SPOCK3: variants seen among roughly 807,000 people sequenced by gnomAD.
SPOCK3 encodes SPARC (osteonectin), cwcv and kazal like domains proteoglycan 3.
Under a neutral mutation model 56.6 loss-of-function variants are expected in SPOCK3, and 30 were observed. The ratio of observed to expected loss-of-function variants is 0.53; its 90% CI spans 0.40 to 0.72. The LOEUF (loss-of-function observed/expected upper bound fraction) is 0.72, where lower values mean the gene tolerates loss of function less well. SPOCK3 is among the 30% of genes least tolerant of loss of function. The pLI is 0.00. For synonymous variants in SPOCK3, 196 were observed against 183.3 expected, an observed-to-expected ratio of 1.07 and a Z score of -0.56; for missense variants, 527 against 530.0, an observed-to-expected ratio of 0.99 and a Z score of 0.06.
rs995802910 is a variant in SPOCK3 at position 167,145,324 on chromosome 4, G to T, written c.190-82787C>A. Reference sequence around the variant, plus strand: ...ACATATGAACTTGAAGAAACCTATTGCATAATCAAGTGGAAGTACCATTAA... The same window carrying T: ...ACATATGAACTTGAAGAAACCTATTTCATAATCAAGTGGAAGTACCATTAA... On this transcript the variant is annotated intron_variant, in intron 2 of 10. Transcript: ENST00000357545. 1.1e-4 allele frequency among the ~76,000 whole-genome samples: 16 copies of T among 152,176 alleles called. 1 individual carries two copies. The highest frequency in any genetic ancestry group is 3.9e-4 in the African/African-American group (16 of 41,552).
At chr4:166,851,343 G>A (rs1730054152) in intron 6 of SPOCK3, among the ~76,000 whole-genome samples, 1 of 152,170 alleles carries the variant, frequency 6.6e-6, no homozygotes, top group Admixed American at 6.5e-5. Context: ...AAGACCAAAA[G>A]TAGATAAAAC....
chr4:166,955,609 A>AGATT (rs973210810), intron 4 of SPOCK3, among the ~76,000 whole-genome samples: 26 of 145,820 alleles, frequency 1.8e-4, no homozygotes, highest in African/African-American at 6.5e-4. Context: ...TAATCAAATT[A>AGATT]GATTAAATTT....
intron 8 of SPOCK3, among the ~76,000 whole-genome samples, chr4:166,753,553 A>G (rs1383322832): frequency 1.3e-5 from 2 of 152,020 alleles, no homozygotes; most frequent in Admixed American, 1.3e-4. Flanking sequence ...TAATTACTGA[A>G]CTATTACTAA....
intron 6 of SPOCK3, among the ~76,000 whole-genome samples, chr4:166,855,334 T>C (rs944002838): frequency 2.6e-5 from 4 of 151,540 alleles, no homozygotes; most frequent in African/African-American, 9.7e-5. Context: ...ACCTGTGATA[T>C]ACAAACCAAA....
chr4:167,037,824 T>G (rs966895664), intron 3 of SPOCK3, among the ~76,000 whole-genome samples: 4 of 152,248 alleles, frequency 2.6e-5, no homozygotes, highest in Non-Finnish European at 5.9e-5. Context: ...TATCAAGTAT[T>G]TTCCTGAACT....
intron 5 of SPOCK3, among the ~76,000 whole-genome samples, chr4:166,905,920 AT>A (rs1229243996): frequency 6.6e-6 from 1 of 152,026 alleles, no homozygotes; most frequent in African/African-American, 2.4e-5. Flanking sequence ...GCATTATGAA[AT>A]TCTATACTGA....
At chr4:166,778,561 A>G (rs1288644428) in intron 7 of SPOCK3, among the ~76,000 whole-genome samples, 1 of 152,254 alleles carries the variant, frequency 6.6e-6, no homozygotes, top group East Asian at 1.9e-4. Flanking sequence ...TCCACACAGG[A>G]TTCAATACAC....
At chr4:166,861,435 A>G (rs571007763) in intron 6 of SPOCK3, among the ~76,000 whole-genome samples, 4 of 152,240 alleles carry the variant, frequency 2.6e-5, no homozygotes, top group East Asian at 3.9e-4. Context: ...AGCAAATCCC[A>G]ATTTATTGAA....
intron 3 of SPOCK3, among the ~76,000 whole-genome samples, chr4:167,005,845 T>C (rs1749415584): frequency 6.6e-6 from 1 of 152,160 alleles, no homozygotes; most frequent in Non-Finnish European, 1.5e-5. Flanking sequence ...TGTAAATTAA[T>C]TTATGATTTT....
chr4:167,046,227 CTTCTT>C (rs1753700597), intron 3 of SPOCK3, among the ~76,000 whole-genome samples: 1 of 151,808 alleles, frequency 6.6e-6, no homozygotes, highest in African/African-American at 2.4e-5. Flanking sequence ...TCCTGCCTGG[CTTCTT>C]TTGAGTTTTG....
At chr4:167,108,745 G>A (rs1760410903) in intron 2 of SPOCK3, among the ~76,000 whole-genome samples, 2 of 150,886 alleles carry the variant, frequency 1.3e-5, no homozygotes, top group African/African-American at 4.9e-5. Context: ...GTATTTGCTA[G>A]CACAGAACAG....
chr4:166,788,753 C>T (rs562331159), intron 7 of SPOCK3, among the ~76,000 whole-genome samples: 330 of 151,520 alleles, frequency 2.2e-3, no homozygotes, highest in African/African-American at 7.6e-3. Flanking sequence ...ATATACAAGA[C>T]GTTTTTTTAA....
At position 166,754,711 on chromosome 4, in the gene SPOCK3, A is replaced by C. The variant is rs373687751; in HGVS notation, c.728T>G (p.Leu243Trp). 2 of 1,613,404 alleles carry C rather than the reference A, an allele frequency of 1.2e-6. No individual in the cohort carries two copies. The highest frequency in any genetic ancestry group is 1.7e-6 in the Non-Finnish European group (2 of 1,179,650). Residue 243 changes from leucine to tryptophan, a missense_variant, in exon 8 of 11, where the codon TTG becomes TGG. Leu to Trp is a moderately conservative substitution (Grantham distance 61). Transcript: ENST00000357545. Reference protein sequence around the residue: ...PERSRFDTSILPICKDSLGWM... With the variant: ...PERSRFDTSIWPICKDSLGWM... ...GCCAAGTGAGTCCTTGCAAATTGGC[A>C]AGATGCTGGTATCGAATCCTAAAGG...
At chr4:166,886,413 G>A (rs1233865776) in intron 6 of SPOCK3, among the ~76,000 whole-genome samples, 1 of 152,082 alleles carries the variant, frequency 6.6e-6, no homozygotes, top group East Asian at 1.9e-4. Context: ...ACTGAAGGGT[G>A]TATGCTTATC....
At chr4:167,185,150 A>T (rs1223562466) in intron 2 of SPOCK3, among the ~76,000 whole-genome samples, 1 of 152,204 alleles carries the variant, frequency 6.6e-6, no homozygotes, top group East Asian at 1.9e-4. Context: ...ATGTGGTAGT[A>T]ATCATAACAA....
At chr4:167,185,346 G>A (rs2110794841) in intron 2 of SPOCK3, among the ~76,000 whole-genome samples, 1 of 152,226 alleles carries the variant, frequency 6.6e-6, no homozygotes, top group South Asian at 2.1e-4. Context: ...TGATAAATTG[G>A]CAGCCATCTT....
In SPOCK3 at chr4:167,104,434, A is replaced by T. The variant is rs9884147; in HGVS notation, c.190-41897T>A. Among the ~76,000 whole-genome samples, 654 of 152,278 alleles carry T rather than the reference A, an allele frequency of 4.3e-3. 3 individuals carry two copies. The highest frequency in any genetic ancestry group is 0.015 in the African/African-American group (630 of 41,564). ...AGAAACTCTGGAGTTGAAAAAATGC[A>T]ATTGCCATACTGAACAATGTATCAG... On this transcript the variant is annotated intron_variant, in intron 2 of 10. Transcript: ENST00000357545.
chr4:167,206,189 T>G (rs1482921908), intron 2 of SPOCK3, among the ~76,000 whole-genome samples: 1 of 152,018 alleles, frequency 6.6e-6, no homozygotes, highest in Admixed American at 6.6e-5. Context: ...CTGAGCATGG[T>G]GGTATGCACC....
At chr4:167,062,778 T>A (rs1755739790) in intron 2 of SPOCK3, 1 of 476,660 alleles carries the variant, frequency 2.1e-6, no homozygotes, top group Admixed American at 3.8e-5. Context: ...ATAAACCTGT[T>A]CATTTTCATT....
Sources: allele counts gnomAD v4.1 joint callset (sites outside exome capture counted in the v4.1 genomes callset), GRCh38; gene constraint gnomAD v4.1.1; transcripts MANE v1.5; gene names NCBI Gene and HGNC (gene_info 2026-07-23, HGNC 2026-07-21).